The following BACH2 variants were observed in gnomAD, a reference collection of about 807,000 sequenced individuals.
BACH2 encodes the protein transcription regulator protein BACH2.
BACH2 carries 5 observed loss-of-function variants against 61.8 expected under a neutral mutation model. The observed-to-expected ratio is 0.08, with a 90% confidence interval of 0.04 to 0.17. BACH2 has a LOEUF of 0.17. Among genes scored for constraint, BACH2 ranks in the 10% least tolerant of loss-of-function variants. BACH2 has a pLI of 1.00. For missense variants in BACH2, 824 were observed against 1,091.1 expected (o/e 0.76, Z 3.45); for synonymous variants, 446 against 440.1 (o/e 1.01, Z -0.17).
chr6:89,983,055 T>C (rs1776044816), intron 6 of BACH2, among the ~76,000 whole-genome samples: 1 of 152,200 alleles, frequency 6.6e-6, no homozygotes, highest in African/African-American at 2.4e-5. Context: ...TTGGTTCCCT[T>C]TGCCTTGATT....
At chr6:89,954,082 ATTCC>A (rs983974760) in intron 6 of BACH2, among the ~76,000 whole-genome samples, 7 of 152,240 alleles carry the variant, frequency 4.6e-5, no homozygotes, top group African/African-American at 1.7e-4. Context: ...CACATGACCT[ATTCC>A]TTTACTGCCA....
chr6:90,259,021 A>G, intron 2 of BACH2, among the ~76,000 whole-genome samples: 1 of 152,086 alleles, frequency 6.6e-6, no homozygotes, highest in East Asian at 1.9e-4. Context: ...GCAAATAGAG[A>G]TAACTTTACT....
chr6:90,035,990 A>T (rs1315272433), intron 5 of BACH2, among the ~76,000 whole-genome samples: 1 of 151,804 alleles, frequency 6.6e-6, no homozygotes, highest in Non-Finnish European at 1.5e-5. Flanking sequence ...ATTTACTTAC[A>T]TTTCATTTCT....
intron 6 of BACH2, among the ~76,000 whole-genome samples, chr6:89,978,433 G>T (rs1338766589): frequency 1.3e-5 from 2 of 152,086 alleles, no homozygotes; most frequent in African/African-American, 4.8e-5. Context: ...ATGCAAATAA[G>T]TCCAGGAATA....
chr6:90,083,382 T>C (rs1781802044), intron 5 of BACH2, among the ~76,000 whole-genome samples: 2 of 152,198 alleles, frequency 1.3e-5, no homozygotes, highest in African/African-American at 4.8e-5. Flanking sequence ...TATTAATGTT[T>C]ACAACCATGC....
At chr6:90,196,535 T>C (rs1429737550) in intron 4 of BACH2, among the ~76,000 whole-genome samples, 1 of 152,212 alleles carries the variant, frequency 6.6e-6, no homozygotes, top group Non-Finnish European at 1.5e-5. Flanking sequence ...TCAGACCTCA[T>C]CCCAAATGCC....
At chr6:90,018,571 C>G (rs1052317564) in intron 5 of BACH2, among the ~76,000 whole-genome samples, 1 of 152,164 alleles carries the variant, frequency 6.6e-6, no homozygotes, top group Non-Finnish European at 1.5e-5. Context: ...TCCATCTTGG[C>G]TGAAAGTAAA....
At chr6:90,249,554 C>T (rs775869171) in intron 3 of BACH2, among the ~76,000 whole-genome samples, 13 of 152,116 alleles carry the variant, frequency 8.5e-5, no homozygotes, top group African/African-American at 2.7e-4. Flanking sequence ...GCAAATCACT[C>T]GAGTCCAGGA....
At chr6:90,017,327 C>T (rs1053735003) in intron 5 of BACH2, among the ~76,000 whole-genome samples, 2 of 152,010 alleles carry the variant, frequency 1.3e-5, no homozygotes, top group African/African-American at 4.8e-5. Context: ...TCGAGTGATT[C>T]TCCTGCTTCA....
At chr6:90,050,291 T>A (rs1381843726) in intron 5 of BACH2, among the ~76,000 whole-genome samples, 1 of 152,218 alleles carries the variant, frequency 6.6e-6, no homozygotes, top group African/African-American at 2.4e-5. Flanking sequence ...AATTTTAATA[T>A]AATGGAGTTT....
At chr6:90,107,763 G>T (rs1340181225) in intron 4 of BACH2, among the ~76,000 whole-genome samples, 2 of 148,046 alleles carry the variant, frequency 1.4e-5, no homozygotes, top group East Asian at 4.0e-4. Context: ...CTCGTCCCTT[G>T]TTTTCTTCTT....
At chr6:89,965,369 G>C (rs1424583493) in intron 6 of BACH2, among the ~76,000 whole-genome samples, 1 of 152,116 alleles carries the variant, frequency 6.6e-6, no homozygotes, top group Non-Finnish European at 1.5e-5. Context: ...CATTACTCCT[G>C]CTTCAACCAT....
chr6:90,203,630 G>C (rs905753569), intron 4 of BACH2, among the ~76,000 whole-genome samples: 1 of 152,032 alleles, frequency 6.6e-6, no homozygotes, highest in Admixed American at 6.6e-5. Context: ...ATTAATGCCT[G>C]TTTACAATAT....
chr6:90,173,677 G>C (rs539878280), intron 4 of BACH2, among the ~76,000 whole-genome samples: 2 of 152,142 alleles, frequency 1.3e-5, no homozygotes, highest in African/African-American at 2.4e-5. Flanking sequence ...AGACGTGAGG[G>C]AAGGAAACTG....
intron 5 of BACH2, among the ~76,000 whole-genome samples, chr6:90,048,826 T>C (rs1188684561): frequency 6.6e-6 from 1 of 152,206 alleles, no homozygotes. Context: ...AGTTACTGCT[T>C]GCCTGGGAAG....
chr6:89,986,433 T>C (rs527681242), intron 6 of BACH2, among the ~76,000 whole-genome samples: 2 of 152,204 alleles, frequency 1.3e-5, no homozygotes, highest in Non-Finnish European at 2.9e-5. Context: ...TTTTCCCTAA[T>C]ATCCAGCTTC....
chr6:89,985,331 GGAGT>G (rs1403787252), intron 6 of BACH2, among the ~76,000 whole-genome samples: 1 of 152,186 alleles, frequency 6.6e-6, no homozygotes, highest in Non-Finnish European at 1.5e-5. Flanking sequence ...GGGGCTGGTG[GGAGT>G]CTGGGTTTTG....
At chr6:90,291,506 CA>C (rs538824572) in intron 1 of BACH2, among the ~76,000 whole-genome samples, 11 of 43,568 alleles carry the variant, frequency 2.5e-4, no homozygotes, top group African/African-American at 4.8e-4. Context: ...TTGAAATTAA[CA>C]AAAAAAAAAG....
chr6:89,998,674 GCCTT>G (rs908938100), intron 6 of BACH2, among the ~76,000 whole-genome samples: 7 of 151,740 alleles, frequency 4.6e-5, no homozygotes, highest in Non-Finnish European at 8.8e-5. Context: ...TTTAAGAACA[GCCTT>G]CTTTCTTTTT....
Sources: allele counts gnomAD v4.1 joint callset (sites outside exome capture counted in the v4.1 genomes callset), GRCh38; gene constraint gnomAD v4.1.1; transcripts MANE v1.5; gene names NCBI Gene and HGNC (gene_info 2026-07-23, HGNC 2026-07-21).